The following NIPSNAP3B variants were observed in gnomAD, a reference collection of about 807,000 sequenced individuals.
NIPSNAP3B encodes the protein protein NipSnap homolog 3B.
Under a neutral mutation model 31.5 loss-of-function variants are expected in NIPSNAP3B, and 30 were observed. The ratio of observed to expected loss-of-function variants is 0.95; its 90% CI spans 0.71 to 1.29. The LOEUF is 1.29. NIPSNAP3B is among the 50% of genes most tolerant of loss of function. The probability of loss-of-function intolerance (pLI) is 0.00; values close to 1 mark genes in which losing one functional copy is unlikely to be tolerated. For missense variants in NIPSNAP3B, 269 were observed against 300.7 expected, an observed-to-expected ratio of 0.89 and a Z score of 0.78; for synonymous variants, 106 against 107.9, an observed-to-expected ratio of 0.98 and a Z score of 0.11.
the NIPSNAP3B span, among the ~76,000 whole-genome samples, chr9:104,787,286 TA>T: frequency 6.6e-6 from 1 of 152,194 alleles, no homozygotes; most frequent in Non-Finnish European, 1.5e-5. Flanking sequence ...CTGATAAGTA[TA>T]TACAAAACAA....
At chr9:104,769,470 A>G (rs920084695) in intron 3 of NIPSNAP3B, among the ~76,000 whole-genome samples, 1 of 151,494 alleles carries the variant, frequency 6.6e-6, no homozygotes, top group Non-Finnish European at 1.5e-5. Flanking sequence ...AAAAAAAAAA[A>G]AGAGAATTAG....
chr9:104,785,650 G>A, the NIPSNAP3B span: 2 of 1,613,592 alleles, frequency 1.2e-6, no homozygotes, highest in South Asian at 1.1e-5. Flanking sequence ...CTGAAAGCAG[G>A]AAAAAATACC....
chr9:104,768,789 C>A, intron 2 of NIPSNAP3B, 74 bp from the exon 3 acceptor site: 1 of 1,376,998 alleles, frequency 7.3e-7, no homozygotes, highest in Non-Finnish European at 9.9e-7. Flanking sequence ...GTTTGCTGAA[C>A]TGAGTAAAAT....
the NIPSNAP3B span, chr9:104,786,211 T>C: frequency 3.5e-6 from 4 of 1,147,626 alleles, no homozygotes; most frequent in Admixed American, 1.7e-5. Context: ...TTTCCCTTTA[T>C]GTTAGAGGCA....
Position 104,766,344 on chromosome 9 carries a change from C to A in NIPSNAP3B, c.80C>A (p.Thr27Lys). The change falls in exon 2 of 6, where the codon ACG becomes AAG. Residue 27 changes from threonine to lysine, a missense_variant. By Grantham distance (78) the Thr-to-Lys change is moderately conservative. Transcript: ENST00000374762. ...LAPQVCSSFATGPRQYDGTFY... is the reference protein window; with the variant it reads ...LAPQVCSSFAKGPRQYDGTFY... ...CTTCAGGTGTGTTCATCTTTTGCTA[C>A]GGGCCCTAGACAATACGATGGAACG... 1.9e-6 allele frequency: 3 copies of A among 1,613,258 alleles called. No homozygotes were observed. The South Asian group carries it at 3.3e-5, about 18-fold the overall frequency.
the NIPSNAP3B span, among the ~76,000 whole-genome samples, chr9:104,788,722 T>TGCTA: frequency 6.6e-6 from 1 of 152,218 alleles, no homozygotes; most frequent in Admixed American, 6.5e-5. Flanking sequence ...GCCCCCAGGA[T>TGCTA]GCTAGCTCTT....
the NIPSNAP3B span, among the ~76,000 whole-genome samples, chr9:104,785,966 C>A: frequency 2.6e-5 from 4 of 152,330 alleles, no homozygotes; most frequent in South Asian, 4.1e-4. Flanking sequence ...GATGCAAACC[C>A]ATTTGTGTTT....
At chr9:104,783,417 G>C in the NIPSNAP3B span, 1 of 152,170 alleles carries the variant, frequency 6.6e-6, no homozygotes, top group Non-Finnish European at 1.5e-5. Flanking sequence ...AGGACAAATG[G>C]GCACAGGCTT....
downstream of NIPSNAP3B, among the ~76,000 whole-genome samples, chr9:104,780,841 T>C (rs1201704083): frequency 6.6e-6 from 1 of 152,212 alleles, no homozygotes; most frequent in Non-Finnish European, 1.5e-5. Context: ...CAAAACAACC[T>C]TTTATTTTCA....
downstream of NIPSNAP3B, among the ~76,000 whole-genome samples, chr9:104,780,067 T>C (rs1463935999): frequency 6.6e-6 from 1 of 152,168 alleles, no homozygotes; most frequent in Non-Finnish European, 1.5e-5. Flanking sequence ...ACCTCATGGG[T>C]AACATATTTT....
chr9:104,781,653 C>G (rs1828553103), downstream of NIPSNAP3B: 1 of 152,566 alleles, frequency 6.6e-6, no homozygotes. Flanking sequence ...TGTTTTTTAA[C>G]AATGAATTGT....
the NIPSNAP3B span, among the ~76,000 whole-genome samples, chr9:104,785,226 T>A: frequency 2.0e-5 from 3 of 152,150 alleles, no homozygotes; most frequent in African/African-American, 7.2e-5. Flanking sequence ...ATAGGCATCA[T>A]CTCCCTTTTC....
intron 1 of NIPSNAP3B, 55 bp downstream of exon 1, chr9:104,764,355 G>A: frequency 6.2e-6 from 9 of 1,448,072 alleles, no homozygotes; most frequent in Non-Finnish European, 8.4e-6. Context: ...GGAGGGGCGG[G>A]GGGTATTTCT....
chr9:104,770,665 A>G (rs1353681251), intron 3 of NIPSNAP3B, among the ~76,000 whole-genome samples, 184 bp from the exon 4 acceptor site: 1 of 152,166 alleles, frequency 6.6e-6, no homozygotes, highest in African/African-American at 2.4e-5. Context: ...AACATGGACA[A>G]AGACTTTCTA....
At position 104,764,174 on chromosome 9, in the gene NIPSNAP3B, G is replaced by C. The variant is rs1248919058; in HGVS notation, c.-67G>C. On this transcript the variant is annotated 5_prime_UTR_variant, in exon 1 of 6. Transcript: ENST00000374762. Reference sequence around the variant, plus strand: ...GTCCAGGAGCCGCTTTTTTCCACTCGGGAAGACTTCAGAGAAGTCTCACAA... The same window carrying C: ...GTCCAGGAGCCGCTTTTTTCCACTCCGGAAGACTTCAGAGAAGTCTCACAA... The C allele has an allele frequency of 3.4e-6, 5 of 1,455,576 alleles. No individual in the cohort carries two copies. The highest frequency in any genetic ancestry group is 4.7e-6 in the Non-Finnish European group (5 of 1,063,884). 90.2% of individuals were successfully genotyped at this position (1,455,576 alleles called of 1,614,324 possible). A position where few individuals can be genotyped will look rare whatever the true frequency, so the allele number is the denominator to read the frequency against.
In NIPSNAP3B at chr9:104,775,553, T is replaced by C. The variant is rs932957300; in HGVS notation, c.*2480T>C. On this transcript the variant is annotated 3_prime_UTR_variant, in exon 6 of 6. Coordinates refer to ENST00000374762, the MANE Select transcript of NIPSNAP3B (RefSeq NM_018376.4). ...CTCCCTGCGTCATCACCCCCAGTCT[T>C]GTGGCTTCAAATGCTATCTGTGTGT... Among the ~76,000 whole-genome samples, 15 of 152,192 alleles carry C rather than the reference T, an allele frequency of 9.9e-5. No homozygotes were observed. The highest frequency in any genetic ancestry group is 7.2e-4 in the Admixed American group (11 of 15,278).
chr9:104,767,986 C>G (rs1415220323), intron 2 of NIPSNAP3B, among the ~76,000 whole-genome samples: 1 of 152,104 alleles, frequency 6.6e-6, no homozygotes, highest in Non-Finnish European at 1.5e-5. Context: ...TCCATCAAAC[C>G]CACACACATC....
At chr9:104,784,238 C>G in the NIPSNAP3B span, 4 of 1,591,526 alleles carry the variant, frequency 2.5e-6, no homozygotes, top group Non-Finnish European at 3.4e-6. Flanking sequence ...TGGCTCTTTT[C>G]TCCACAACAC....
In NIPSNAP3B at chr9:104,767,288, C is replaced by T. The variant is rs1828109508; in HGVS notation, c.271+753C>T. Among the ~76,000 whole-genome samples the T allele has an allele frequency of 2.6e-5, 4 of 151,980 alleles. No individual in the cohort carries two copies. The South Asian group carries it at 8.3e-4, about 31-fold the overall frequency. Reference sequence around the variant, plus strand: ...TTTCAAGGAATTCTTTCATACTACCCTAGGGAGGTAAGGAAAAGGAATGAG... The same window carrying T: ...TTTCAAGGAATTCTTTCATACTACCTTAGGGAGGTAAGGAAAAGGAATGAG... On this transcript the variant is annotated intron_variant, in intron 2 of 5. Coordinates refer to ENST00000374762, the MANE Select transcript of NIPSNAP3B (RefSeq NM_018376.4).
Sources: gnomAD v4.1 joint callset for allele counts (sites outside exome capture counted in the v4.1 genomes callset) on GRCh38, gnomAD v4.1.1 for gene constraint, MANE v1.5 for transcripts, NCBI Gene and HGNC (gene_info 2026-07-23, HGNC 2026-07-21) for gene names.